Variants in EPHB2 observed in about 807,000 individuals in gnomAD.
EPHB2 encodes EPH receptor B2.
EPHB2 carries 18 observed loss-of-function variants against 96.4 expected under a neutral mutation model. The ratio of observed to expected loss-of-function variants is 0.19; its 90% confidence interval spans 0.13 to 0.28. The LOEUF (loss-of-function observed/expected upper bound fraction) is 0.28. Ranked by LOEUF, EPHB2 falls within the 10% of genes least tolerant of loss-of-function variation. The probability of loss-of-function intolerance (pLI) is 1.00; values close to 1 mark genes in which losing one functional copy is unlikely to be tolerated. For missense variants in EPHB2, 989 were observed against 1,355.4 expected, an observed-to-expected ratio of 0.73 and a Z score of 4.25; for synonymous variants, 506 against 534.1, an observed-to-expected ratio of 0.95 and a Z score of 0.72.
chr1:22,717,687 T>C (rs1307039380), intron 1 of EPHB2, among the ~76,000 whole-genome samples: 2 of 152,218 alleles, frequency 1.3e-5, no homozygotes, highest in Non-Finnish European at 2.9e-5. Context: ...CATTCTTTAT[T>C]AGTTTCCGTA....
intron 1 of EPHB2, among the ~76,000 whole-genome samples, chr1:22,754,675 T>A (rs1484982511): frequency 2.0e-5 from 3 of 150,738 alleles, no homozygotes; most frequent in African/African-American, 7.3e-5. Context: ...CCCTCTCTTG[T>A]CAAGGCTGTT....
Position 22,724,213 on chromosome 1 carries a change from C to T in EPHB2, c.61+13170C>T, listed in dbSNP as rs1000829445. Among the ~76,000 whole-genome samples, 2 of 152,200 alleles carry T rather than the reference C, an allele frequency of 1.3e-5. 1 individual carries two copies. The highest frequency in any genetic ancestry group is 4.8e-5 in the African/African-American group (2 of 41,450). ...TTGCTCTCCTGTGTGTTCTCACTCC[C>T]TCTGCTCCCCTTTCCCCCTTGCATG... On this transcript the variant is annotated intron_variant, in intron 1 of 15. Transcript: ENST00000374630.
Position 22,914,810 on chromosome 1 carries a change from G to A in EPHB2, c.*1240G>A, listed in dbSNP as rs1398835921. 6.6e-6 allele frequency: 1 copy of A among 152,650 alleles called. No homozygotes were observed. Among genetic ancestry groups the A allele is most frequent in the Admixed American group, 6.5e-5 (1 of 15,284 alleles). The allele number at this position is 152,650 out of a possible 1,614,324, so 9.5% of individuals were successfully genotyped here. On this transcript the variant is annotated 3_prime_UTR_variant, in exon 16 of 16. Transcript: ENST00000374630. ...GAGACTGGAGTGAGATTTGGGTGTG[G>A]AGGGGGAGGCGCCAAGGTGGAGGAG...
rs776189745 is a variant in EPHB2 at position 22,908,129 on chromosome 1, A to G, written c.2313A>G (p.Leu771=). The G allele has an allele frequency of 1.9e-6, 3 of 1,614,120 alleles. No individual in the cohort carries two copies. Among genetic ancestry groups the G allele is most frequent in the Non-Finnish European group, 2.5e-6 (3 of 1,180,050 alleles). Residue 771 remains leucine, a synonymous_variant, in exon 12 of 16, where the codon CTA becomes CTG. Transcript: ENST00000374630. ...CGGACTTTGGGCTCTCACGCTTTCT[A>G]GAGGACGATACCTCAGACCCCACCT... is the stretch of plus-strand genomic sequence containing the variant. ...KVSDFGLSRF[L]EDDTSDPTYT... is the part of the protein sequence containing the mutation.
chr1:22,773,484 G>A (rs1644406179), intron 1 of EPHB2, among the ~76,000 whole-genome samples: 4 of 152,194 alleles, frequency 2.6e-5, no homozygotes. Flanking sequence ...AGGCTGATTT[G>A]CTGCCTAGGC....
At position 22,781,357 on chromosome 1, in the gene EPHB2, C is replaced by T. The variant is rs370326483; in HGVS notation, c.62-64C>T. ...AAAAAGAAGAAGAAGGATGAGGGCC[C>T]AACAGAAAGATTGACAGCGCCTGGT... On this transcript the variant is annotated intron_variant, in intron 1 of 15. Transcript: ENST00000374630. 8.8e-6 allele frequency: 13 copies of T among 1,471,826 alleles called. No homozygotes were observed. The East Asian group carries it at 1.1e-4, about 13-fold the overall frequency. The allele number at this position is 1,471,826 out of a possible 1,614,324, so 91.2% of individuals were successfully genotyped here.
At chr1:22,754,351 G>T (rs1053030683) in intron 1 of EPHB2, among the ~76,000 whole-genome samples, 1 of 152,200 alleles carries the variant, frequency 6.6e-6, no homozygotes, top group African/African-American at 2.4e-5. Context: ...TATGAAGACA[G>T]AAAGTCCATA....
intron 1 of EPHB2, among the ~76,000 whole-genome samples, chr1:22,756,058 G>A (rs1382608312): frequency 6.6e-6 from 1 of 152,132 alleles, no homozygotes; most frequent in Non-Finnish European, 1.5e-5. Flanking sequence ...CAGGACAAGT[G>A]GGGAGGTGGA....
chr1:22,776,009 G>A (rs541146148), intron 1 of EPHB2, among the ~76,000 whole-genome samples: 225 of 152,290 alleles, frequency 1.5e-3, no homozygotes, highest in African/African-American at 5.1e-3. Flanking sequence ...TGGTACCAGC[G>A]AGGCTGGCAA....
chr1:22,792,786 C>CCAGCCTAGAGATGGTGA (rs1269305902), intron 3 of EPHB2, among the ~76,000 whole-genome samples: 2 of 152,178 alleles, frequency 1.3e-5, no homozygotes, highest in Admixed American at 1.3e-4. Flanking sequence ...CAAGGCCCAC[C>CCAGCCTAGAGATGGTGA]CAGCCTAGAG....
intron 13 of EPHB2, among the ~76,000 whole-genome samples, chr1:22,909,699 T>G (rs309498): frequency 0.58 from 88,212 of 151,990 alleles, 26,549 homozygotes; most frequent in African/African-American, 0.75. Flanking sequence ...AGGCTGGGGT[T>G]GGCTAATGCG....
intron 6 of EPHB2, among the ~76,000 whole-genome samples, chr1:22,887,329 G>C (rs755241635): frequency 1.3e-5 from 2 of 152,138 alleles, no homozygotes; most frequent in Non-Finnish European, 1.5e-5. Flanking sequence ...CAAGTCCACA[G>C]CCGGCTGTTA....
chr1:22,916,067 A>G lies in EPHB2; in HGVS notation c.*2497A>G, dbSNP rs1640258850. 6.6e-6 allele frequency: 1 copy of G among 152,264 alleles called. No homozygotes were observed. The highest frequency in any genetic ancestry group is 2.4e-5 in the African/African-American group (1 of 41,450). The allele number at this position is 152,264 out of a possible 1,614,324, so 9.4% of individuals were successfully genotyped here. On this transcript the variant is annotated 3_prime_UTR_variant, in exon 16 of 16. Transcript: ENST00000374630. This position sits in a 1 kb window ranked among gnomAD's most constrained non-coding sequence, Gnocchi z 4.2. Reference sequence around the variant, plus strand: ...CAGCAGGGCAAGCCACAGGGAAAGCATTGGCAGGTTTCCCACAAACTGGCC... The same window carrying G: ...CAGCAGGGCAAGCCACAGGGAAAGCGTTGGCAGGTTTCCCACAAACTGGCC...
At chr1:22,852,634 C>A (rs1305840182) in intron 3 of EPHB2, among the ~76,000 whole-genome samples, 2 of 152,194 alleles carry the variant, frequency 1.3e-5, no homozygotes, top group African/African-American at 4.8e-5. Flanking sequence ...CCATGAAACA[C>A]CCTCACCAGC....
chr1:22,856,068 G>A (rs1388565022), intron 3 of EPHB2, among the ~76,000 whole-genome samples: 1 of 152,278 alleles, frequency 6.6e-6, no homozygotes, highest in African/African-American at 2.4e-5. Context: ...TCCAAGCCTC[G>A]GCAGCCTGAC....
chr1:22,716,999 A>G (rs1460236263), intron 1 of EPHB2, among the ~76,000 whole-genome samples: 1 of 152,182 alleles, frequency 6.6e-6, no homozygotes. Context: ...TATTTTTAAC[A>G]TACTCTCCAG....
At chr1:22,887,672 G>A (rs1639269210) in intron 6 of EPHB2, among the ~76,000 whole-genome samples, 2 of 152,192 alleles carry the variant, frequency 1.3e-5, no homozygotes, top group Admixed American at 6.5e-5. Context: ...CCCAGGGGAG[G>A]TGGCCTCCTT....
At chr1:22,877,760 C>G (rs1427813087) in intron 5 of EPHB2, among the ~76,000 whole-genome samples, 1 of 152,182 alleles carries the variant, frequency 6.6e-6, no homozygotes, top group Non-Finnish European at 1.5e-5. Flanking sequence ...AGCTGTGTAG[C>G]CTTGGACAAG....
intron 3 of EPHB2, among the ~76,000 whole-genome samples, chr1:22,831,592 A>G (rs888268665): frequency 1.3e-5 from 2 of 152,010 alleles, no homozygotes; most frequent in Admixed American, 6.6e-5. Context: ...CCTAAGGTCA[A>G]GCAGAGCAGG....
Sources: allele counts gnomAD v4.1 joint callset (sites outside exome capture counted in the v4.1 genomes callset), GRCh38; gene constraint gnomAD v4.1.1; non-coding constraint Gnocchi (gnomAD v3.1); transcripts MANE v1.5; gene names NCBI Gene and HGNC (gene_info 2026-07-23, HGNC 2026-07-21).